Variants in MTMR6 observed in about 807,000 individuals in gnomAD.
MTMR6 encodes myotubularin related protein 6.
A neutral mutation model predicts 80.1 loss-of-function variants in MTMR6; 47 were observed. That is an observed-to-expected ratio of 0.59 (90% CI 0.46 to 0.75). The LOEUF (loss-of-function observed/expected upper bound fraction) is 0.75. Ranked by LOEUF, MTMR6 falls within the 30% of genes least tolerant of loss-of-function variation. MTMR6 has a pLI of 0.00. For missense variants in MTMR6, 629 were observed against 730.9 expected, an observed-to-expected ratio of 0.86 and a Z score of 1.61; for synonymous variants, 254 against 253.0, an observed-to-expected ratio of 1.00 and a Z score of -0.04.
rs1956976372 is a variant in MTMR6 at position 25,246,238 on chromosome 13, C to T, written c.*2994G>A. 6.6e-6 allele frequency: 1 copy of T among 152,512 alleles called. No homozygotes were observed. The highest frequency in any genetic ancestry group is 1.5e-5 in the Non-Finnish European group (1 of 68,022). The allele number at this position is 152,512 out of a possible 1,614,324, so 9.4% of individuals were successfully genotyped here. On this transcript the variant is annotated 3_prime_UTR_variant, in exon 14 of 14. Transcript: ENST00000381801. ...AGAAATAACTAGAGTAGCACAAATA[C>T]TGTTTATTAAAATGTCAAGGTTTCA... is the stretch of plus-strand genomic sequence containing the variant.
chr13:25,260,111 C>T (rs1023775276), intron 6 of MTMR6, among the ~76,000 whole-genome samples: 15 of 152,058 alleles, frequency 9.9e-5, no homozygotes, highest in African/African-American at 3.6e-4. Flanking sequence ...GATCTACCCA[C>T]CTTAGCCTTC....
At chr13:25,257,391 A>T in intron 8 of MTMR6, 70 bp from the exon 9 acceptor site, 1 of 1,555,286 alleles carries the variant, frequency 6.4e-7, no homozygotes, top group African/African-American at 1.4e-5. Flanking sequence ...TGAAAATCAT[A>T]CTAGCAGGTA....
At chr13:25,268,858 A>T (rs1367480597) in intron 2 of MTMR6, among the ~76,000 whole-genome samples, 1 of 152,148 alleles carries the variant, frequency 6.6e-6, no homozygotes, top group Non-Finnish European at 1.5e-5. Context: ...GGACCCAGGC[A>T]TCCCTGTGCT....
At chr13:25,281,302 A>G (rs1957839380) in intron 1 of MTMR6, among the ~76,000 whole-genome samples, 1 of 152,016 alleles carries the variant, frequency 6.6e-6, no homozygotes, top group African/African-American at 2.4e-5. Flanking sequence ...ATACCACTGC[A>G]CTCCAGCCTA....
At chr13:25,281,360 A>G (rs544906352) in intron 1 of MTMR6, among the ~76,000 whole-genome samples, 5 of 151,774 alleles carry the variant, frequency 3.3e-5, no homozygotes, top group Non-Finnish European at 5.9e-5. Context: ...AAGACAGGAG[A>G]AAGGACAAAG....
In MTMR6 at chr13:25,257,852, GA is replaced by G. The variant is rs1437761360; in HGVS notation, c.860-8del. ...AGCCCTTTAGTGCCATTGACTGAAA[GA>G]GGTATAAAAATATTTCAATTAGAAT... On this transcript the variant is annotated splice_region_variant and splice_polypyrimidine_tract_variant and intron_variant, in intron 7 of 13. Coordinates refer to ENST00000381801, the MANE Select transcript of MTMR6 (RefSeq NM_004685.5). 6.3e-6 allele frequency: 10 copies of G among 1,594,476 alleles called. No individual in the cohort carries two copies. Among genetic ancestry groups the G allele is most frequent in the Non-Finnish European group, 6.9e-6 (8 of 1,164,842 alleles).
At chr13:25,285,582 T>C (rs1256120581) in intron 1 of MTMR6, among the ~76,000 whole-genome samples, 1 of 151,726 alleles carries the variant, frequency 6.6e-6, no homozygotes, top group Non-Finnish European at 1.5e-5. Context: ...TTGCCCAGGC[T>C]GGAGTGCACT....
intron 1 of MTMR6, among the ~76,000 whole-genome samples, chr13:25,276,559 C>A (rs574681584): frequency 1.8e-4 from 27 of 152,282 alleles, no homozygotes; most frequent in African/African-American, 6.0e-4. Context: ...CTCTATGAGG[C>A]ACAAGTATCT....
chr13:25,255,176 A>G (rs1957171523), intron 9 of MTMR6, among the ~76,000 whole-genome samples: 1 of 152,174 alleles, frequency 6.6e-6, no homozygotes, highest in African/African-American at 2.4e-5. Flanking sequence ...AGCTTCTCTG[A>G]TTTTGTCTCA....
At chr13:25,268,116 C>T (rs74042905) in intron 2 of MTMR6, among the ~76,000 whole-genome samples, 175 bp from the exon 3 acceptor site, 6,724 of 152,234 alleles carry the variant, frequency 0.044, 495 homozygotes, top group African/African-American at 0.15. Context: ...GGGTGTCACT[C>T]TGATCCCTCC....
rs1957033009 is a variant in MTMR6, at chr13:25,249,044, T to G, written c.*188A>C. On this transcript the variant is annotated 3_prime_UTR_variant, in exon 14 of 14. Transcript: ENST00000381801. Reference sequence around the variant, plus strand: ...TTCTTACAGAACTGAATGTCATTCCTTGCTGGAAATGCAATTAAAATGACT... The same window carrying G: ...TTCTTACAGAACTGAATGTCATTCCGTGCTGGAAATGCAATTAAAATGACT... 1 of 617,436 alleles carries G rather than the reference T, an allele frequency of 1.6e-6. No homozygotes were observed. Among genetic ancestry groups the G allele is most frequent in the Non-Finnish European group, 2.7e-6 (1 of 366,818 alleles). 38.2% of individuals were successfully genotyped at this position (617,436 alleles called of 1,614,324 possible).
chr13:25,258,333 T>A (rs929218308), intron 7 of MTMR6, among the ~76,000 whole-genome samples: 4 of 152,130 alleles, frequency 2.6e-5, no homozygotes, highest in Admixed American at 6.5e-5. Flanking sequence ...ACATGCCTGA[T>A]TTCTAAGAGT....
intron 1 of MTMR6, among the ~76,000 whole-genome samples, chr13:25,282,550 A>G (rs1957874725): frequency 6.6e-6 from 1 of 151,770 alleles, no homozygotes; most frequent in South Asian, 2.1e-4. Flanking sequence ...ACCTCTTCCA[A>G]ATGCATCCGG....
At chr13:25,272,047 T>C (rs1003949329) in intron 2 of MTMR6, among the ~76,000 whole-genome samples, 1 of 152,212 alleles carries the variant, frequency 6.6e-6, no homozygotes, top group Non-Finnish European at 1.5e-5. Flanking sequence ...GATGTTTTTA[T>C]GACAGAGCTG....
At chr13:25,258,776 T>G in intron 6 of MTMR6, 84 bp from the exon 7 acceptor site, 1 of 1,249,882 alleles carries the variant, frequency 8.0e-7, no homozygotes, top group Non-Finnish European at 1.1e-6. Flanking sequence ...ATAAGCAGTA[T>G]TTTAGCTAGG....
rs1317476570 is a variant in MTMR6, at chr13:25,246,767, G to A, written c.*2465C>T. The A allele has an allele frequency of 1.3e-5, 2 of 152,628 alleles. No homozygotes were observed. Among genetic ancestry groups the A allele is most frequent in the African/African-American group, 2.4e-5 (1 of 41,458 alleles). The allele number at this position is 152,628 out of a possible 1,614,324, so 9.5% of individuals were successfully genotyped here. On this transcript the variant is annotated 3_prime_UTR_variant, in exon 14 of 14. Coordinates refer to ENST00000381801, the MANE Select transcript of MTMR6 (RefSeq NM_004685.5). ...CTACCCGACCAAATAAATTGAATTT[G>A]TTTTAAAAGAGTTCCCTTCATCTTT...
At position 25,283,920 on chromosome 13, in the gene MTMR6, T is replaced by C. The variant is rs79039883; in HGVS notation, c.24+3304A>G. On this transcript the variant is annotated intron_variant, in intron 1 of 13. Transcript: ENST00000381801. The stretch of plus-strand genomic sequence containing the variant: ...GTAGTAGCTGCATGATTCATAAGTG[T>C]AGCTTGGAAATGCTCTTTCAGAAAT... Among the ~76,000 whole-genome samples the C allele has an allele frequency of 3.4e-3, 524 of 152,326 alleles. 9 individuals are homozygous for C. The highest frequency in any genetic ancestry group is 0.012 in the African/African-American group (505 of 41,566).
rs985651652 is a variant in MTMR6, at chr13:25,254,177, TAATA to T, written c.1145+204_1145+207del. On this transcript the variant is annotated intron_variant, in intron 10 of 13. Coordinates refer to ENST00000381801, the MANE Select transcript of MTMR6 (RefSeq NM_004685.5). Reference sequence around the variant, plus strand: ...AATAAAATGCAGCCCAAAAGGAAGGTAATAAATAGTCATGAAAATTAACAAGCGT... The same window carrying T: ...AATAAAATGCAGCCCAAAAGGAAGGTAATAGTCATGAAAATTAACAAGCGT... 4.6e-5 allele frequency among the ~76,000 whole-genome samples: 7 copies of T among 152,264 alleles called. 1 individual carries two copies. In the East Asian group the frequency reaches 1.4e-3, roughly 29 times the overall value.
intron 9 of MTMR6, among the ~76,000 whole-genome samples, chr13:25,256,947 CA>C (rs1476406950): frequency 6.6e-6 from 1 of 152,100 alleles, no homozygotes; most frequent in Non-Finnish European, 1.5e-5. Flanking sequence ...AAGTCTAATT[CA>C]AGGTTTTTCA....
Sources: allele counts gnomAD v4.1 joint callset (sites outside exome capture counted in the v4.1 genomes callset), GRCh38; gene constraint gnomAD v4.1.1; transcripts MANE v1.5; gene names NCBI Gene and HGNC (gene_info 2026-07-23, HGNC 2026-07-21).